The following RGMA variants were observed in gnomAD, a reference collection of about 807,000 sequenced individuals.
The protein encoded by RGMA is repulsive guidance molecule BMP co-receptor a, also known as repulsive guidance molecule A.
RGMA carries 10 observed loss-of-function variants against 23.2 expected under a neutral mutation model. That is an observed-to-expected ratio of 0.43 (90% CI 0.27 to 0.73). The LOEUF is 0.73. RGMA is among the 30% of genes least tolerant of loss of function. RGMA has a pLI of 0.20. For synonymous variants in RGMA, 308 were observed against 279.3 expected (o/e 1.10, Z -1.03); for missense variants, 547 against 630.5 (o/e 0.87, Z 1.42).
intron 3 of RGMA, among the ~76,000 whole-genome samples, chr15:93,047,118 A>G (rs2054836197): frequency 6.6e-6 from 1 of 152,118 alleles, no homozygotes; most frequent in African/African-American, 2.4e-5. Flanking sequence ...CTGCGTTTCC[A>G]GACTCTGGGC....
intron 2 of RGMA, among the ~76,000 whole-genome samples, chr15:93,058,958 T>C (rs1325631696): frequency 6.6e-6 from 1 of 152,150 alleles, no homozygotes; most frequent in Non-Finnish European, 1.5e-5. Flanking sequence ...GACAATAAAA[T>C]AGCCTGCGCT....
intron 2 of RGMA, among the ~76,000 whole-genome samples, chr15:93,060,633 T>C (rs4778084): frequency 0.67 from 101,498 of 152,164 alleles, 34,226 homozygotes; most frequent in East Asian, 0.89. Flanking sequence ...CCAGAGCTCA[T>C]GGCTTCTCCG....
intron 1 of RGMA, among the ~76,000 whole-genome samples, chr15:93,076,944 A>T (rs1028659814): frequency 1.8e-4 from 27 of 152,346 alleles, no homozygotes; most frequent in African/African-American, 6.3e-4. Context: ...GGGGAGACAC[A>T]GAACACAGGC....
rs746589014 is a variant in RGMA, at chr15:93,045,784, C to T, written c.646-79G>A. 3.7e-6 allele frequency: 4 copies of T among 1,080,696 alleles called. No homozygotes were observed. The highest frequency in any genetic ancestry group is 5.5e-6 in the Non-Finnish European group (4 of 727,630). The allele number at this position is 1,080,696 out of a possible 1,614,324, so 66.9% of individuals were successfully genotyped here. The stretch of plus-strand genomic sequence containing the variant: ...AGCCCCACACTTAAGATGCTCTAGA[C>T]TGAGAGGAGGGCAGGAAGGATCCCC... On this transcript the variant is annotated intron_variant, in intron 3 of 3. Coordinates refer to ENST00000329082, the MANE Select transcript of RGMA (RefSeq NM_020211.3). This position sits in a 1 kb window ranked among gnomAD's most constrained non-coding sequence, Gnocchi z 6.9.
rs570673726 is a variant in RGMA at position 93,047,789 on chromosome 15, C to T, written c.646-2084G>A. On this transcript the variant is annotated intron_variant, in intron 3 of 3. Transcript: ENST00000329082. ...CTCTCTGGGTAGAGGGCAATGCCGC[C>T]GCGTGCCAAGGGAGTTTCTGGCCTA... Among the ~76,000 whole-genome samples, 9 of 152,336 alleles carry T rather than the reference C, an allele frequency of 5.9e-5. No homozygotes were observed. In the South Asian group the frequency reaches 6.2e-4, roughly 11 times the overall value.
chr15:93,065,894 T>A lies in RGMA; in HGVS notation c.130+7022A>T, dbSNP rs187121031. 8.3e-6 allele frequency: 6 copies of A among 719,508 alleles called. No individual in the cohort carries two copies. The East Asian group carries it at 1.3e-4, about 16-fold the overall frequency. 44.6% of individuals were successfully genotyped at this position (719,508 alleles called of 1,614,324 possible). Reference sequence around the variant, plus strand: ...GGCTCTACCCCGTCAGTGCTCTCTGTAGGCTGTTGCTGGCTGGGGGGCCGA... The same window carrying A: ...GGCTCTACCCCGTCAGTGCTCTCTGAAGGCTGTTGCTGGCTGGGGGGCCGA... On this transcript the variant is annotated intron_variant, in intron 2 of 3. Transcript: ENST00000329082.
intron 1 of RGMA, among the ~76,000 whole-genome samples, chr15:93,076,792 A>G (rs549752203): frequency 2.6e-5 from 4 of 152,354 alleles, no homozygotes; most frequent in African/African-American, 9.6e-5. Flanking sequence ...ATGCCAAGCC[A>G]AGCTGGCCGA....
At position 93,043,598 on chromosome 15, in the gene RGMA, A is replaced by C. The variant is rs2054759660; in HGVS notation, c.*1400T>G. 6.6e-6 allele frequency: 1 copy of C among 152,336 alleles called. No individual in the cohort carries two copies. The highest frequency in any genetic ancestry group is 2.4e-5 in the African/African-American group (1 of 41,436). 9.4% of individuals were successfully genotyped at this position (152,336 alleles called of 1,614,324 possible). A position where few individuals can be genotyped will look rare whatever the true frequency, so the allele number is the denominator to read the frequency against. ...TTCACTTTTTACTTCCAACATAGGG[A>C]CCAACTAAAACCAGCAGGGAGAGGG... is the stretch of plus-strand genomic sequence containing the variant. On this transcript the variant is annotated 3_prime_UTR_variant, in exon 4 of 4. Coordinates refer to ENST00000329082, the MANE Select transcript of RGMA (RefSeq NM_020211.3).
intron 1 of RGMA, chr15:93,073,797 A>G: frequency 6.5e-7 from 1 of 1,533,534 alleles, no homozygotes; most frequent in South Asian, 1.2e-5. Flanking sequence ...CCCTTCAAGC[A>G]CCTCGCTGCT....
intron 1 of RGMA, among the ~76,000 whole-genome samples, chr15:93,083,493 A>C (rs761587041): frequency 4.9e-4 from 75 of 152,028 alleles, no homozygotes; most frequent in Non-Finnish European, 1.0e-3. Context: ...ATGCCCGGCT[A>C]ATTTTTGTAT....
chr15:93,037,033 G>A lies in RGMA; in HGVS notation c.*7965C>T, dbSNP rs138046129. On this transcript the variant is annotated 3_prime_UTR_variant, in exon 4 of 4. Transcript: ENST00000329082. The surrounding 1 kb of genome is among the most constrained non-coding windows in gnomAD (Gnocchi z 4.3). ...GCCCACTCCATGGCTGGGCGAGCTG[G>A]GCAGTGGGTGACTGGCAGGAAATGG... is the stretch of plus-strand genomic sequence containing the variant. The A allele has an allele frequency of 1.3e-3, 194 of 152,386 alleles. 6 individuals carry two copies. In the East Asian group the frequency reaches 0.035, roughly 27 times the overall value. The allele number at this position is 152,386 out of a possible 1,614,324, so 9.4% of individuals were successfully genotyped here. A position where few individuals can be genotyped will look rare whatever the true frequency, so the allele number is the denominator to read the frequency against.
chr15:93,069,992 C>G (rs1455685184), intron 2 of RGMA, among the ~76,000 whole-genome samples: 1 of 152,200 alleles, frequency 6.6e-6, no homozygotes, highest in Non-Finnish European at 1.5e-5. Context: ...TCCTTTCTGG[C>G]CTCCCTTCCT....
At chr15:93,049,975 A>G (rs2054891092) in intron 3 of RGMA, among the ~76,000 whole-genome samples, 1 of 152,200 alleles carries the variant, frequency 6.6e-6, no homozygotes, top group Non-Finnish European at 1.5e-5. Context: ...CTCCCTGCAG[A>G]CACCAGGCTG....
intron 2 of RGMA, among the ~76,000 whole-genome samples, chr15:93,059,667 G>A (rs1180172958): frequency 6.6e-6 from 1 of 152,162 alleles, no homozygotes; most frequent in Non-Finnish European, 1.5e-5. Flanking sequence ...TGGAGTGAGG[G>A]GCCCTGACCT....
In RGMA at chr15:93,073,415, T is replaced by A. The variant is rs4641692; in HGVS notation, c.15-384A>T. The A allele has an allele frequency of 4.3e-3, 3,174 of 734,380 alleles. 92 individuals are homozygous for A. In the African/African-American group the frequency reaches 0.053, roughly 12 times the overall value. The allele number at this position is 734,380 out of a possible 1,614,324, so 45.5% of individuals were successfully genotyped here. ...GCCACGCTCCCCGACCCTCGCGCCA[T>A]CTCCAGCCCGCGGCTGTCCTTGCAA... On this transcript the variant is annotated intron_variant, in intron 1 of 3. Coordinates refer to ENST00000329082, the MANE Select transcript of RGMA (RefSeq NM_020211.3).
rs118178295 is a variant in RGMA, at chr15:93,084,593, C to T, written c.14+4326G>A. Among the ~76,000 whole-genome samples, 728 of 152,232 alleles carry T rather than the reference C, an allele frequency of 4.8e-3. 35 individuals carry two copies. The East Asian group carries it at 0.12, about 24-fold the overall frequency. ...GTTCAAGCGACTCTCCTCTCTCAGC[C>T]ACCGGAGTAGCTGGGACTACAGTCA... On this transcript the variant is annotated intron_variant, in intron 1 of 3. Transcript: ENST00000329082.
chr15:93,048,701 A>C (rs2054868140), intron 3 of RGMA, among the ~76,000 whole-genome samples: 1 of 152,136 alleles, frequency 6.6e-6, no homozygotes, highest in Non-Finnish European at 1.5e-5. Context: ...TGACCTATGG[A>C]AACGGCAACT....
chr15:93,062,296 C>T (rs952415663), intron 2 of RGMA, among the ~76,000 whole-genome samples: 2 of 152,200 alleles, frequency 1.3e-5, no homozygotes, highest in Admixed American at 1.3e-4. Flanking sequence ...CAGGTATGGT[C>T]AATCACATAA....
At chr15:93,061,455 C>T (rs1413629943) in intron 2 of RGMA, among the ~76,000 whole-genome samples, 1 of 152,212 alleles carries the variant, frequency 6.6e-6, no homozygotes, top group Non-Finnish European at 1.5e-5. Flanking sequence ...TGGCCCCTAT[C>T]AGAGATGTGA....
Sources: gnomAD v4.1 joint callset for allele counts (sites outside exome capture counted in the v4.1 genomes callset) on GRCh38, gnomAD v4.1.1 for gene constraint, Gnocchi (gnomAD v3.1) non-coding constraint, MANE v1.5 for transcripts, NCBI Gene and HGNC (gene_info 2026-07-23, HGNC 2026-07-21) for gene names.